SERGEF: variants seen among roughly 807,000 people sequenced by gnomAD.
The protein encoded by SERGEF is secretion-regulating guanine nucleotide exchange factor.
In SERGEF, 51 loss-of-function variants were observed where a neutral mutation model predicts 50.0. The observed-to-expected ratio is 1.02, with a 90% CI of 0.81 to 1.29. SERGEF has a LOEUF of 1.29. Ranked by LOEUF, SERGEF falls within the 50% of genes most tolerant of loss-of-function variation. The pLI, the probability that SERGEF is intolerant of heterozygous loss-of-function variation, is 0.00. For synonymous variants in SERGEF, 205 were observed against 212.4 expected, an observed-to-expected ratio of 0.97 and a Z score of 0.30; for missense variants, 521 against 557.0, an observed-to-expected ratio of 0.94 and a Z score of 0.65.
At chr11:17,954,419 G>C (rs1590216217) in intron 9 of SERGEF, among the ~76,000 whole-genome samples, 1 of 152,282 alleles carries the variant, frequency 6.6e-6, no homozygotes, top group Admixed American at 6.5e-5. Flanking sequence ...CATTCAAGTG[G>C]TATTTCTCCT....
chr11:17,878,891 C>T (rs1851289052), intron 9 of SERGEF, among the ~76,000 whole-genome samples: 1 of 152,354 alleles, frequency 6.6e-6, no homozygotes, highest in East Asian at 1.9e-4. Flanking sequence ...AAAGTATCTA[C>T]TAAGACTTCT....
At chr11:17,791,689 T>C (rs1171099500) in intron 10 of SERGEF, among the ~76,000 whole-genome samples, 1 of 152,260 alleles carries the variant, frequency 6.6e-6, no homozygotes, top group Non-Finnish European at 1.5e-5. Flanking sequence ...GTTGTGCCGC[T>C]TCAAGCAAGT....
At chr11:17,948,183 T>A (rs1368549054) in intron 9 of SERGEF, among the ~76,000 whole-genome samples, 1 of 152,196 alleles carries the variant, frequency 6.6e-6, no homozygotes, top group Non-Finnish European at 1.5e-5. Flanking sequence ...CCCAAAGTGC[T>A]ACAAGAAATT....
At chr11:17,864,168 G>A (rs142563586) in intron 10 of SERGEF, among the ~76,000 whole-genome samples, 13 of 152,346 alleles carry the variant, frequency 8.5e-5, no homozygotes, top group Admixed American at 2.6e-4. Context: ...TTGAGTAACT[G>A]TAAACAAGTG....
chr11:17,808,955 C>T (rs546373727), intron 10 of SERGEF, among the ~76,000 whole-genome samples: 135 of 152,346 alleles, frequency 8.9e-4, no homozygotes, highest in Non-Finnish European at 1.6e-3. Context: ...CAAGTCCTGA[C>T]AACTCCCTAA....
At chr11:17,923,756 C>T (rs1436283908) in intron 9 of SERGEF, among the ~76,000 whole-genome samples, 2 of 152,166 alleles carry the variant, frequency 1.3e-5, no homozygotes, top group Non-Finnish European at 2.9e-5. Context: ...AGCTCCAGCC[C>T]TCCCCCAGGA....
rs190939890 is a variant in SERGEF at position 17,994,325 on chromosome 11, A to C, written c.623-1332T>G. Among the ~76,000 whole-genome samples the C allele has an allele frequency of 5.7e-3, 865 of 152,050 alleles. 9 individuals are homozygous for C. The highest frequency in any genetic ancestry group is 0.02 in the African/African-American group (818 of 41,454). ...CCTGTCTCTACTAAAAATACAAAAA[A>C]ATTAGCCAGGCGTGGTGGCAGGCGC... On this transcript the variant is annotated intron_variant, in intron 6 of 10. Transcript: ENST00000265965.
intron 9 of SERGEF, among the ~76,000 whole-genome samples, chr11:17,928,709 G>A (rs959106351): frequency 6.6e-6 from 1 of 151,916 alleles, no homozygotes; most frequent in Non-Finnish European, 1.5e-5. Flanking sequence ...CTTCAAACTC[G>A]TGAACTAAGC....
intron 10 of SERGEF, among the ~76,000 whole-genome samples, chr11:17,811,516 C>T (rs1473944846): frequency 1.2e-4 from 18 of 152,222 alleles, no homozygotes; most frequent in Non-Finnish European, 1.3e-4. Context: ...AAAAACCCGT[C>T]GTTTCCCATT....
At chr11:17,807,617 C>T (rs746997874) in intron 10 of SERGEF, among the ~76,000 whole-genome samples, 4 of 152,198 alleles carry the variant, frequency 2.6e-5, no homozygotes, top group African/African-American at 7.2e-5. Flanking sequence ...AGGGATCTGC[C>T]GGCGTGGACC....
intron 10 of SERGEF, among the ~76,000 whole-genome samples, chr11:17,836,370 A>G (rs1011000463): frequency 5.0e-4 from 76 of 152,232 alleles, no homozygotes; most frequent in African/African-American, 1.8e-3. Flanking sequence ...GGTCTACTGG[A>G]CTGGGCTTAC....
chr11:17,872,523 C>T (rs188557347), intron 10 of SERGEF, among the ~76,000 whole-genome samples: 124 of 152,284 alleles, frequency 8.1e-4, no homozygotes, highest in African/African-American at 2.9e-3. Flanking sequence ...AACAAGCACC[C>T]TTATACCTTG....
chr11:17,842,605 A>G (rs1342521093), intron 10 of SERGEF, among the ~76,000 whole-genome samples: 1 of 152,196 alleles, frequency 6.6e-6, no homozygotes, highest in Non-Finnish European at 1.5e-5. Context: ...CAGGATTTGA[A>G]CCTTGGTCAA....
chr11:17,794,915 T>A (rs1849548796), intron 10 of SERGEF, among the ~76,000 whole-genome samples: 1 of 152,220 alleles, frequency 6.6e-6, no homozygotes, highest in South Asian at 2.1e-4. Context: ...AAAGATACTG[T>A]GCAGAGGAGC....
chr11:18,008,781 C>G (rs913042966), intron 1 of SERGEF, among the ~76,000 whole-genome samples: 3 of 151,798 alleles, frequency 2.0e-5, no homozygotes, highest in Non-Finnish European at 4.4e-5. Context: ...CCCATGCCAC[C>G]TCACTGCTTT....
intron 10 of SERGEF, chr11:17,854,864 A>G (rs1032677006): frequency 6.6e-6 from 1 of 152,206 alleles, no homozygotes; most frequent in Non-Finnish European, 1.5e-5. Flanking sequence ...AGAAATCTGC[A>G]TTTACTGCTT....
chr11:18,011,036 T>C (rs1479536161), intron 1 of SERGEF, among the ~76,000 whole-genome samples: 2 of 151,988 alleles, frequency 1.3e-5, no homozygotes, highest in Non-Finnish European at 2.9e-5. Flanking sequence ...AAATCCAGGA[T>C]AAAGCAAGAC....
At chr11:17,833,987 TG>T (rs1590144039) in intron 10 of SERGEF, among the ~76,000 whole-genome samples, 1 of 152,136 alleles carries the variant, frequency 6.6e-6, no homozygotes, top group African/African-American at 2.4e-5. Context: ...GTTAAGACTT[TG>T]GGGGACTGTT....
intron 10 of SERGEF, among the ~76,000 whole-genome samples, chr11:17,847,055 G>A (rs1275358859): frequency 6.6e-6 from 1 of 152,226 alleles, no homozygotes; most frequent in African/African-American, 2.4e-5. Context: ...AAGTGAGCAA[G>A]CCTCCTGGTG....
Sources: gnomAD v4.1 joint callset for allele counts (sites outside exome capture counted in the v4.1 genomes callset) on GRCh38, gnomAD v4.1.1 for gene constraint, MANE v1.5 for transcripts, NCBI Gene and HGNC (gene_info 2026-07-23, HGNC 2026-07-21) for gene names.